LDLRAD4: variants seen among roughly 807,000 people sequenced by gnomAD.
LDLRAD4 encodes low density lipoprotein receptor class A domain containing 4.
In LDLRAD4, 5 loss-of-function variants were observed where a neutral mutation model predicts 17.0. That is an observed-to-expected ratio of 0.29 (90% CI 0.15 to 0.62). The LOEUF is 0.62. Ranked by LOEUF, LDLRAD4 falls within the 20% of genes least tolerant of loss-of-function variation. LDLRAD4 has a pLI of 0.84. For missense variants in LDLRAD4, 340 were observed against 424.7 expected, an observed-to-expected ratio of 0.80 and a Z score of 1.75; for synonymous variants, 168 against 171.8, an observed-to-expected ratio of 0.98 and a Z score of 0.17.
At position 13,386,142 on chromosome 18, in the gene LDLRAD4, T is replaced by A. The variant is rs117217835; in HGVS notation, c.-382-1199T>A. 4.1e-4 allele frequency among the ~76,000 whole-genome samples: 62 copies of A among 152,306 alleles called. No homozygotes were observed. In the Middle Eastern group the frequency reaches 0.01, roughly 25 times the overall value. Reference sequence around the variant, plus strand: ...AAGTTCTTTTTCTTTAGTTTGATGATGAAAAAGAAGAATGAGATTACATTT... The same window carrying A: ...AAGTTCTTTTTCTTTAGTTTGATGAAGAAAAAGAAGAATGAGATTACATTT... On this transcript the variant is annotated intron_variant, in intron 1 of 5. Transcript: ENST00000359446.
In LDLRAD4 at chr18:13,641,657, G is replaced by A. The variant is rs2042572009; in HGVS notation, c.337-1702G>A. The A allele has an allele frequency of 6.1e-6, 4 of 659,376 alleles. No homozygotes were observed. The African/African-American group carries it at 7.8e-5, about 13-fold the overall frequency. The allele number at this position is 659,376 out of a possible 1,614,324, so 40.8% of individuals were successfully genotyped here. A position where few individuals can be genotyped will look rare whatever the true frequency, so the allele number is the denominator to read the frequency against. ...TGAGGGAGAGAGGCGGCGGCCCAGA[G>A]GAGCAGCAGGCGCGCCTCTGGCGGT... On this transcript the variant is annotated intron_variant, in intron 4 of 5. Transcript: ENST00000359446.
chr18:13,571,278 C>T (rs2067211224), intron 3 of LDLRAD4, among the ~76,000 whole-genome samples: 1 of 152,222 alleles, frequency 6.6e-6, no homozygotes, highest in Non-Finnish European at 1.5e-5. Flanking sequence ...GACTCAGCCA[C>T]TGTGGTCAGA....
At chr18:13,538,167 T>G (rs950386054) in intron 3 of LDLRAD4, among the ~76,000 whole-genome samples, 3 of 152,172 alleles carry the variant, frequency 2.0e-5, no homozygotes, top group Non-Finnish European at 4.4e-5. Context: ...ACTTTTCTAC[T>G]TTTTATTGAA....
rs12606901 is a variant in LDLRAD4 at position 13,379,391 on chromosome 18, C to T, written c.-382-7950C>T. Among the ~76,000 whole-genome samples, 1,675 of 152,324 alleles carry T rather than the reference C, an allele frequency of 0.011. 56 individuals carry two copies. The East Asian group carries it at 0.13, about 12-fold the overall frequency. On this transcript the variant is annotated intron_variant, in intron 1 of 5. Coordinates refer to ENST00000359446, the Ensembl canonical transcript of LDLRAD4. ...AGGAGGTGACCTAGCTGAGGCTCAG[C>T]TAGAATTCTGTGCAGTACAGTCAGC...
At chr18:13,374,495 G>A (rs1227688760) in intron 1 of LDLRAD4, among the ~76,000 whole-genome samples, 3 of 152,258 alleles carry the variant, frequency 2.0e-5, no homozygotes, top group East Asian at 1.9e-4. Flanking sequence ...CTTGGGCCCT[G>A]CCCCGGACCT....
At chr18:13,393,523 C>T (rs4796977) in intron 2 of LDLRAD4, among the ~76,000 whole-genome samples, 24,009 of 152,098 alleles carry the variant, frequency 0.16, 2,051 homozygotes, top group East Asian at 0.26. Flanking sequence ...GTCCCACCTG[C>T]GCCAATGCAG....
chr18:13,434,411 C>T (rs1350437942), intron 2 of LDLRAD4, among the ~76,000 whole-genome samples: 2 of 152,122 alleles, frequency 1.3e-5, no homozygotes, highest in East Asian at 3.8e-4. Context: ...GGTTCCTGAG[C>T]AACTCATTCT....
At chr18:13,499,760 C>G (rs954953043) in intron 3 of LDLRAD4, among the ~76,000 whole-genome samples, 1 of 152,150 alleles carries the variant, frequency 6.6e-6, no homozygotes, top group Non-Finnish European at 1.5e-5. Flanking sequence ...CACGTCCAGC[C>G]GTGGACACTG....
At chr18:13,256,705 C>T (rs1365325066) in intron 1 of LDLRAD4, among the ~76,000 whole-genome samples, 1 of 152,158 alleles carries the variant, frequency 6.6e-6, no homozygotes, top group African/African-American at 2.4e-5. Context: ...CATAGAGAGC[C>T]CTTTGAAAAC....
intron 2 of LDLRAD4, among the ~76,000 whole-genome samples, chr18:13,392,738 T>C (rs977583694): frequency 1.3e-5 from 2 of 152,370 alleles, no homozygotes; most frequent in South Asian, 4.1e-4. Flanking sequence ...TTAGGCTTTT[T>C]AAATTATTTT....
At chr18:13,383,952 T>C (rs550082037) in intron 1 of LDLRAD4, among the ~76,000 whole-genome samples, 20 of 152,178 alleles carry the variant, frequency 1.3e-4, no homozygotes, top group African/African-American at 4.1e-4. Flanking sequence ...GAAAATTGCA[T>C]TGGGGGAGAC....
intron 3 of LDLRAD4, among the ~76,000 whole-genome samples, chr18:13,443,213 A>G (rs931285125): frequency 6.6e-6 from 1 of 152,216 alleles, no homozygotes. Context: ...TGATTATTTT[A>G]CTTCCGAAAC....
At chr18:13,445,964 T>C (rs1285070800) in intron 3 of LDLRAD4, among the ~76,000 whole-genome samples, 1 of 152,164 alleles carries the variant, frequency 6.6e-6, no homozygotes, top group Non-Finnish European at 1.5e-5. Context: ...GAGGATAATA[T>C]TGGTATCTCT....
At chr18:13,412,044 A>T (rs1006726083) in intron 2 of LDLRAD4, among the ~76,000 whole-genome samples, 1 of 152,076 alleles carries the variant, frequency 6.6e-6, no homozygotes, top group African/African-American at 2.4e-5. Context: ...GGGTCTCACT[A>T]TGTTGCCCAG....
At chr18:13,630,410 A>G in intron 4 of LDLRAD4, among the ~76,000 whole-genome samples, 1 of 152,166 alleles carries the variant, frequency 6.6e-6, no homozygotes, top group East Asian at 1.9e-4. Flanking sequence ...AGGCTGCATG[A>G]AAAAAGGGAG....
chr18:13,309,860 T>G (rs2047128910), intron 1 of LDLRAD4, among the ~76,000 whole-genome samples: 1 of 152,184 alleles, frequency 6.6e-6, no homozygotes, highest in South Asian at 2.1e-4. Context: ...TGACTGAAGC[T>G]GTGTGGCCTT....
intron 1 of LDLRAD4, among the ~76,000 whole-genome samples, chr18:13,328,119 A>G (rs2081633655): frequency 6.6e-6 from 1 of 152,176 alleles, no homozygotes; most frequent in Non-Finnish European, 1.5e-5. Flanking sequence ...GGTTTTGACC[A>G]AACAACTAAC....
chr18:13,460,709 A>G (rs1014466181), intron 3 of LDLRAD4, among the ~76,000 whole-genome samples: 3 of 152,230 alleles, frequency 2.0e-5, no homozygotes, highest in Non-Finnish European at 4.4e-5. Flanking sequence ...AGTTTTTGGA[A>G]CATGTGTCTC....
intron 2 of LDLRAD4, among the ~76,000 whole-genome samples, chr18:13,427,135 G>A (rs1194670188): frequency 9.9e-5 from 15 of 152,116 alleles, no homozygotes; most frequent in African/African-American, 3.1e-4. Flanking sequence ...GCAGTGAGCC[G>A]AGATTGCGCC....
Sources: gnomAD v4.1 joint callset for allele counts (sites outside exome capture counted in the v4.1 genomes callset) on GRCh38, gnomAD v4.1.1 for gene constraint, MANE v1.5 for transcripts, NCBI Gene and HGNC (gene_info 2026-07-23, HGNC 2026-07-21) for gene names.